Variants in TRMT11 observed in about 807,000 individuals in gnomAD.
The protein encoded by TRMT11 is tRNA (guanine(10)-N(2))-methyltransferase TRMT11.
A neutral mutation model predicts 62.8 loss-of-function variants in TRMT11; 53 were observed. The ratio of observed to expected loss-of-function variants is 0.84; its 90% CI spans 0.68 to 1.06. TRMT11 has a LOEUF of 1.06. Ranked by LOEUF, TRMT11 falls within the 50% of genes least tolerant of loss-of-function variation. The probability of loss-of-function intolerance (pLI) is 0.00; values close to 1 mark genes in which losing one functional copy is unlikely to be tolerated. For synonymous variants in TRMT11, 188 were observed against 190.3 expected, an observed-to-expected ratio of 0.99 and a Z score of 0.10; for missense variants, 556 against 553.4, an observed-to-expected ratio of 1.00 and a Z score of -0.05.
intron 17 of TRMT11, among the ~76,000 whole-genome samples, chr6:126,068,307 A>G (rs1411635188): frequency 6.6e-6 from 1 of 152,046 alleles, no homozygotes; most frequent in African/African-American, 2.4e-5. Flanking sequence ...TTTTTCCTTT[A>G]TGGTGAGAAC....
At chr6:126,115,849 G>A (rs1414020811) in exon 21 of TRMT11, among the ~76,000 whole-genome samples, 3 of 151,922 alleles carry the variant, frequency 2.0e-5, no homozygotes, top group African/African-American at 7.2e-5. Context: ...TCACCCTGGA[G>A]TGGCAGGCAA....
At chr6:126,014,192 A>G (rs1354387889) in intron 11 of TRMT11, among the ~76,000 whole-genome samples, 1 of 152,164 alleles carries the variant, frequency 6.6e-6, no homozygotes, top group Admixed American at 6.5e-5. Flanking sequence ...CTTCAATCTG[A>G]CATAGATATA....
At chr6:126,028,799 A>T (rs1467391424) in intron 12 of TRMT11, among the ~76,000 whole-genome samples, 1 of 152,176 alleles carries the variant, frequency 6.6e-6, no homozygotes, top group Non-Finnish European at 1.5e-5. Context: ...CATTTAAGAT[A>T]TCTGGATCCT....
chr6:126,255,495 C>T, the TRMT11 span, among the ~76,000 whole-genome samples: 1 of 152,050 alleles, frequency 6.6e-6, no homozygotes, highest in East Asian at 1.9e-4. Context: ...TTTGAGACTT[C>T]CAGGAAAAAA....
chr6:126,173,443 G>A (rs1307304118), upstream of TRMT11, among the ~76,000 whole-genome samples: 2 of 152,148 alleles, frequency 1.3e-5, no homozygotes, highest in South Asian at 2.1e-4. Flanking sequence ...GAATGAGAAG[G>A]TTATTTGGAA....
chr6:126,004,085 A>T (rs1263082826), intron 7 of TRMT11, among the ~76,000 whole-genome samples: 1 of 152,048 alleles, frequency 6.6e-6, no homozygotes, highest in African/African-American at 2.4e-5. Flanking sequence ...TTTTTTTGTC[A>T]ATTGAGAATA....
At chr6:126,111,179 C>T (rs921658215) in intron 17 of TRMT11, among the ~76,000 whole-genome samples, 1 of 152,002 alleles carries the variant, frequency 6.6e-6, no homozygotes, top group Admixed American at 6.6e-5. Context: ...TGAGGAGACT[C>T]CCTGTCTTGG....
chr6:126,172,042 G>A (rs772346825), intron 21 of TRMT11, among the ~76,000 whole-genome samples: 1 of 152,074 alleles, frequency 6.6e-6, no homozygotes, highest in African/African-American at 2.4e-5. Flanking sequence ...TTAAAAAAAG[G>A]TTAAATGTTT....
chr6:126,105,300 G>C (rs1777451274), intron 17 of TRMT11, among the ~76,000 whole-genome samples: 1 of 152,116 alleles, frequency 6.6e-6, no homozygotes, highest in South Asian at 2.1e-4. Context: ...GCAAGAGACG[G>C]GGTGGTATCA....
intron 17 of TRMT11, among the ~76,000 whole-genome samples, chr6:126,056,411 T>C (rs562029790): frequency 2.0e-5 from 3 of 152,248 alleles, no homozygotes; most frequent in Admixed American, 2.0e-4. Context: ...TAGGGAAGGA[T>C]AAAAGGTAGA....
chr6:126,246,806 C>T, the TRMT11 span, among the ~76,000 whole-genome samples: 1 of 152,100 alleles, frequency 6.6e-6, no homozygotes, highest in African/African-American at 2.4e-5. Context: ...TAAAATAAAA[C>T]TTAAAAGTAC....
chr6:126,234,280 G>A, the TRMT11 span, among the ~76,000 whole-genome samples: 1 of 152,170 alleles, frequency 6.6e-6, no homozygotes, highest in Middle Eastern at 3.4e-3. Context: ...AGCAGAATGT[G>A]AAATATCTGA....
chr6:126,268,949 CAT>C, the TRMT11 span, among the ~76,000 whole-genome samples: 2,059 of 152,022 alleles, frequency 0.014, 47 homozygotes, highest in African/African-American at 0.048. Flanking sequence ...TGATACCAAA[CAT>C]ATTAGTCATA....
At chr6:126,246,596 A>G in the TRMT11 span, among the ~76,000 whole-genome samples, 1 of 152,184 alleles carries the variant, frequency 6.6e-6, no homozygotes, top group Non-Finnish European at 1.5e-5. Flanking sequence ...AGTGGAAGAA[A>G]AGAGGAGATA....
At chr6:126,097,495 T>C (rs868681177) in intron 17 of TRMT11, among the ~76,000 whole-genome samples, 1 of 152,192 alleles carries the variant, frequency 6.6e-6, no homozygotes, top group Non-Finnish European at 1.5e-5. Flanking sequence ...ATTCTTTCCT[T>C]AGGGCAATAG....
chr6:125,993,900 C>T, intron 2 of TRMT11, 78 bp downstream of exon 2: 1 of 788,824 alleles, frequency 1.3e-6, no homozygotes, highest in South Asian at 2.0e-5. Context: ...AAGTGCATAT[C>T]TTAAATTTAT....
At chr6:126,138,242 T>A (rs1184843438) in intron 21 of TRMT11, among the ~76,000 whole-genome samples, 1 of 151,994 alleles carries the variant, frequency 6.6e-6, no homozygotes, top group East Asian at 1.9e-4. Context: ...ACAACTGTGA[T>A]ATAGCAATAA....
chr6:126,197,748 T>G (rs1006118149), intron 1 of TRMT11, among the ~76,000 whole-genome samples: 6 of 152,172 alleles, frequency 3.9e-5, no homozygotes, highest in Non-Finnish European at 7.4e-5. Context: ...GACACAAATA[T>G]GGAGGTTTTC....
At chr6:126,263,053 C>G in the TRMT11 span, among the ~76,000 whole-genome samples, 2 of 152,096 alleles carry the variant, frequency 1.3e-5, no homozygotes, top group Non-Finnish European at 2.9e-5. Flanking sequence ...GATATTTACC[C>G]TCTTCCTATT....
Sources: gnomAD v4.1 joint callset for allele counts (sites outside exome capture counted in the v4.1 genomes callset) on GRCh38, gnomAD v4.1.1 for gene constraint, MANE v1.5 for transcripts, NCBI Gene and HGNC (gene_info 2026-07-23, HGNC 2026-07-21) for gene names.